The following LIN52 variants were observed in gnomAD, a reference collection of about 807,000 sequenced individuals.
The protein encoded by LIN52 is lin-52 DREAM MuvB core complex component, also known as protein lin-52 homolog.
In LIN52, 4 loss-of-function variants were observed where a neutral mutation model predicts 18.5. That is an observed-to-expected ratio of 0.22 (90% CI 0.11 to 0.49). The LOEUF is 0.49. Ranked by LOEUF, LIN52 falls within the 20% of genes least tolerant of loss-of-function variation. The pLI, the probability that LIN52 is intolerant of heterozygous loss-of-function variation, is 0.97. For synonymous variants in LIN52, 34 were observed against 45.5 expected (o/e 0.75, Z 1.02); for missense variants, 102 against 139.5 (o/e 0.73, Z 1.35).
chr14:74,093,518 G>T (rs950662645), intron 2 of LIN52, among the ~76,000 whole-genome samples: 1 of 150,840 alleles, frequency 6.6e-6, no homozygotes, highest in Non-Finnish European at 1.5e-5. Flanking sequence ...TAGAGAAGAG[G>T]CTTCACCATG....
rs2061260429 is a variant in LIN52, at chr14:74,168,963, A to G, written c.284-29959A>G. Among the ~76,000 whole-genome samples the G allele has an allele frequency of 2.0e-5, 3 of 152,154 alleles. No individual in the cohort carries two copies. The South Asian group carries it at 6.2e-4, about 31-fold the overall frequency. On this transcript the variant is annotated intron_variant, in intron 5 of 5. Coordinates refer to ENST00000555028, the MANE Select transcript of LIN52 (RefSeq NM_001024674.3). ...CAGCTACTTGGGAGGCTGAGGCAGG[A>G]GAATCGCCTGAACCTGGGAGGTGGA...
Position 74,199,839 on chromosome 14 carries a change from T to A in LIN52, c.*862T>A, listed in dbSNP as rs1325106672. ...TTTGGTTGAAAGCTAGAAGCCCTAA[T>A]TGACCTTAAAGTAACATGCTATGGG... On this transcript the variant is annotated 3_prime_UTR_variant, in exon 6 of 6. Transcript: ENST00000555028. 3.3e-5 allele frequency: 5 copies of A among 152,220 alleles called. No individual in the cohort carries two copies. The highest frequency in any genetic ancestry group is 1.2e-4 in the African/African-American group (5 of 41,454). 9.4% of individuals were successfully genotyped at this position (152,220 alleles called of 1,614,324 possible).
At chr14:74,106,335 T>C (rs1863844374) in intron 5 of LIN52, among the ~76,000 whole-genome samples, 1 of 152,186 alleles carries the variant, frequency 6.6e-6, no homozygotes, top group Admixed American at 6.5e-5. Context: ...CATGGCCTTA[T>C]CATGGCTCAC....
chr14:74,187,596 A>G (rs1430760897), intron 5 of LIN52, among the ~76,000 whole-genome samples: 1 of 152,232 alleles, frequency 6.6e-6, no homozygotes, highest in African/African-American at 2.4e-5. Context: ...AAAATACCAC[A>G]GCAAAAATAT....
chr14:74,101,049 G>T, intron 4 of LIN52, 106 bp from the exon 5 acceptor site: 1 of 810,810 alleles, frequency 1.2e-6, no homozygotes. Flanking sequence ...CTTATTCAGT[G>T]GTAATTAAGC....
rs939693724 is a variant in LIN52 at position 74,121,447 on chromosome 14, C to T, written c.283+20209C>T. ...ATGTGAGACTAACATTTTCCTTATT[C>T]GTTCCTTTCCAATTCTAAGATACTT... On this transcript the variant is annotated intron_variant, in intron 5 of 5. Coordinates refer to ENST00000555028, the MANE Select transcript of LIN52 (RefSeq NM_001024674.3). 1.2e-4 allele frequency among the ~76,000 whole-genome samples: 18 copies of T among 152,304 alleles called. No individual in the cohort carries two copies. In the South Asian group the frequency reaches 1.7e-3, roughly 14 times the overall value.
intron 5 of LIN52, among the ~76,000 whole-genome samples, chr14:74,160,539 AAATT>A (rs937273115): frequency 2.0e-5 from 3 of 152,180 alleles, no homozygotes; most frequent in African/African-American, 4.8e-5. Flanking sequence ...ATTACTCTTT[AAATT>A]AATTATTCAT....
chr14:74,181,367 G>A (rs2061317978), intron 5 of LIN52, among the ~76,000 whole-genome samples: 1 of 151,420 alleles, frequency 6.6e-6, no homozygotes, highest in South Asian at 2.1e-4. Flanking sequence ...TTGAGCCTAG[G>A]AGGTTGAGGC....
intron 5 of LIN52, among the ~76,000 whole-genome samples, chr14:74,119,977 A>G (rs560181226): frequency 2.0e-5 from 3 of 152,020 alleles, no homozygotes; most frequent in Non-Finnish European, 2.9e-5. Flanking sequence ...CTGGAATTAC[A>G]GGTGCACGCT....
Position 74,190,466 on chromosome 14 carries a change from A to G in LIN52, c.284-8456A>G, listed in dbSNP as rs547905613. On this transcript the variant is annotated intron_variant, in intron 5 of 5. Transcript: ENST00000555028. ...GAGTACACTGGTGCGATCTCAGCTC[A>G]CTGCAACCTCCGCCTCCCAGATTCA... 1.8e-3 allele frequency among the ~76,000 whole-genome samples: 246 copies of G among 137,914 alleles called. 1 individual carries two copies. The highest frequency in any genetic ancestry group is 2.1e-3 in the Non-Finnish European group (142 of 66,334). 90.5% of individuals were successfully genotyped at this position (137,914 alleles called of 152,430 possible). A position where few individuals can be genotyped will look rare whatever the true frequency, so the allele number is the denominator to read the frequency against.
chr14:74,097,253 A>C (rs905880663), intron 3 of LIN52, among the ~76,000 whole-genome samples: 5 of 152,124 alleles, frequency 3.3e-5, no homozygotes, highest in African/African-American at 1.2e-4. Context: ...GGTCATACCT[A>C]TTCTTCCACA....
At chr14:74,137,498 C>CTT (rs71460959) in intron 5 of LIN52, among the ~76,000 whole-genome samples, 1,231 of 111,452 alleles carry the variant, frequency 0.011, 51 homozygotes, top group Middle Eastern at 0.028. Flanking sequence ...CAGCAGCTCT[C>CTT]TTTTTTTTTT....
intron 1 of LIN52, among the ~76,000 whole-genome samples, chr14:74,085,846 T>G (rs1261080086): frequency 6.6e-6 from 1 of 152,196 alleles, no homozygotes; most frequent in African/African-American, 2.4e-5. Flanking sequence ...GATATATAGG[T>G]TTCCTTCCCT....
chr14:74,156,535 A>C (rs1182628182), intron 5 of LIN52, among the ~76,000 whole-genome samples: 1 of 152,170 alleles, frequency 6.6e-6, no homozygotes, highest in African/African-American at 2.4e-5. Context: ...ATAATTGCAC[A>C]TATTTGTGAG....
At chr14:74,092,451 C>G (rs982215495) in intron 2 of LIN52, among the ~76,000 whole-genome samples, 15 of 150,348 alleles carry the variant, frequency 1.0e-4, no homozygotes, top group African/African-American at 3.7e-4. Flanking sequence ...ATTACAGGCA[C>G]ATGCCGCAAT....
chr14:74,177,944 AT>A (rs1317030613), intron 5 of LIN52, among the ~76,000 whole-genome samples: 1 of 151,866 alleles, frequency 6.6e-6, no homozygotes, highest in Admixed American at 6.6e-5. Context: ...GGCCTGGCTA[AT>A]TTTTTGTATT....
At chr14:74,138,980 A>G (rs961533358) in intron 5 of LIN52, among the ~76,000 whole-genome samples, 6 of 150,848 alleles carry the variant, frequency 4.0e-5, no homozygotes, top group Non-Finnish European at 7.4e-5. Flanking sequence ...AGGTAGATGC[A>G]CCTAGCAGGT....
intron 5 of LIN52, among the ~76,000 whole-genome samples, chr14:74,183,278 T>G (rs1595190076): frequency 6.6e-6 from 1 of 152,104 alleles, no homozygotes; most frequent in Non-Finnish European, 1.5e-5. Flanking sequence ...TTTTTGTATT[T>G]TTAGTAGAGA....
chr14:74,196,373 G>A (rs959317298), intron 5 of LIN52, among the ~76,000 whole-genome samples: 9 of 152,124 alleles, frequency 5.9e-5, no homozygotes, highest in South Asian at 2.1e-4. Context: ...GTAAGGAGTT[G>A]GTGAGTCTGA....
Sources: allele counts gnomAD v4.1 joint callset (sites outside exome capture counted in the v4.1 genomes callset), GRCh38; gene constraint gnomAD v4.1.1; transcripts MANE v1.5; gene names NCBI Gene and HGNC (gene_info 2026-07-23, HGNC 2026-07-21).